The following NR2F1-AS1 variants were observed in gnomAD, a reference collection of about 807,000 sequenced individuals.
NR2F1-AS1 encodes the protein NR2F1 antisense RNA 1.
At chr5:93,461,021 G>A (rs373899724) in intron 4 of NR2F1-AS1, among the ~76,000 whole-genome samples, 2 of 152,182 alleles carry the variant, frequency 1.3e-5, no homozygotes, top group South Asian at 2.1e-4. Context: ...CTGTTATAAA[G>A]ATACATGCAT....
intron 4 of NR2F1-AS1, among the ~76,000 whole-genome samples, chr5:93,467,057 T>C (rs1362480114): frequency 6.6e-6 from 1 of 151,970 alleles, no homozygotes; most frequent in Non-Finnish European, 1.5e-5. Flanking sequence ...CCTGCCACCA[T>C]GCCTGGATAA....
intron 4 of NR2F1-AS1, among the ~76,000 whole-genome samples, chr5:93,539,110 T>C (rs1280918780): frequency 6.6e-6 from 1 of 152,120 alleles, no homozygotes; most frequent in East Asian, 1.9e-4. Context: ...GAAACCCATC[T>C]CTACAAAAAA....
intron 4 of NR2F1-AS1, among the ~76,000 whole-genome samples, chr5:93,424,964 C>A: frequency 6.6e-6 from 1 of 152,182 alleles, no homozygotes; most frequent in East Asian, 1.9e-4. Flanking sequence ...TATCAGATAT[C>A]TTAAACTCCT....
intron 4 of NR2F1-AS1, among the ~76,000 whole-genome samples, chr5:93,522,305 G>A (rs1320925377): frequency 6.6e-6 from 1 of 152,086 alleles, no homozygotes; most frequent in African/African-American, 2.4e-5. Context: ...AAACCCCTGT[G>A]ACATGAGTTC....
intron 4 of NR2F1-AS1, among the ~76,000 whole-genome samples, chr5:93,463,262 A>T (rs918158186): frequency 2.0e-5 from 3 of 152,198 alleles, no homozygotes; most frequent in African/African-American, 7.2e-5. Context: ...ATGGCTTCAG[A>T]GGGTGAAAGC....
At chr5:93,451,590 G>T (rs75495696) in intron 4 of NR2F1-AS1, among the ~76,000 whole-genome samples, 1 of 151,792 alleles carries the variant, frequency 6.6e-6, no homozygotes, top group African/African-American at 2.4e-5. Context: ...TTTTGTAGAG[G>T]GGGGGTTCTG....
intron 4 of NR2F1-AS1, among the ~76,000 whole-genome samples, chr5:93,436,804 G>A (rs1157201773): frequency 2.0e-5 from 3 of 151,916 alleles, no homozygotes; most frequent in East Asian, 3.9e-4. Context: ...TATTCCCAAG[G>A]GTAAAGGATG....
intron 4 of NR2F1-AS1, among the ~76,000 whole-genome samples, chr5:93,498,784 C>T (rs1198432983): frequency 1.3e-5 from 2 of 152,082 alleles, no homozygotes; most frequent in Non-Finnish European, 2.9e-5. Flanking sequence ...TGGATAAAGG[C>T]TCTTCAGAGG....
intron 2 of NR2F1-AS1, among the ~76,000 whole-genome samples, chr5:93,562,775 G>A (rs1490055612): frequency 1.3e-5 from 2 of 151,944 alleles, no homozygotes; most frequent in East Asian, 3.9e-4. Context: ...TAGTAATTGG[G>A]GCAGGGAGTA....
chr5:93,567,988 A>C, intron 1 of NR2F1-AS1, among the ~76,000 whole-genome samples: 1 of 152,250 alleles, frequency 6.6e-6, no homozygotes, highest in East Asian at 1.9e-4. Context: ...TTTTCACCAG[A>C]AACTAAGTGT....
At chr5:93,580,340 T>G (rs1223256382) in intron 1 of NR2F1-AS1, 2 of 152,300 alleles carry the variant, frequency 1.3e-5, no homozygotes, top group Non-Finnish European at 2.9e-5. Context: ...AAAGTTCTCC[T>G]CGTCCCGCCC....
At chr5:93,543,409 T>C (rs1393588980) in intron 4 of NR2F1-AS1, 2 of 152,124 alleles carry the variant, frequency 1.3e-5, no homozygotes, top group Non-Finnish European at 2.9e-5. Context: ...AATGGAAAAG[T>C]AATTTGAGAA....
At chr5:93,545,711 C>G (rs1233486317) in intron 4 of NR2F1-AS1, among the ~76,000 whole-genome samples, 1 of 152,192 alleles carries the variant, frequency 6.6e-6, no homozygotes, top group Non-Finnish European at 1.5e-5. Flanking sequence ...GTAATACTTT[C>G]CTAGCACCTA....
At chr5:93,525,587 A>G (rs1297535485) in intron 4 of NR2F1-AS1, among the ~76,000 whole-genome samples, 3 of 152,214 alleles carry the variant, frequency 2.0e-5, no homozygotes, top group African/African-American at 7.2e-5. Flanking sequence ...CATTTATTCT[A>G]AAATTGACCA....
chr5:93,546,400 G>T (rs904582294), intron 4 of NR2F1-AS1, among the ~76,000 whole-genome samples: 2 of 152,056 alleles, frequency 1.3e-5, no homozygotes, highest in African/African-American at 4.8e-5. Context: ...TAAAGAGAAG[G>T]TTGACTATTT....
intron 4 of NR2F1-AS1, among the ~76,000 whole-genome samples, chr5:93,528,822 C>T (rs572935852): frequency 1.3e-4 from 19 of 151,440 alleles, no homozygotes; most frequent in African/African-American, 4.6e-4. Context: ...ACTGAATGTT[C>T]TCACTCATAA....
Position 93,483,824 on chromosome 5 carries a change from G to A in NR2F1-AS1, n.638+69937C>T, listed in dbSNP as rs536775560. Among the ~76,000 whole-genome samples, 386 of 152,242 alleles carry A rather than the reference G, an allele frequency of 2.5e-3. 1 individual carries two copies. Among genetic ancestry groups the A allele is most frequent in the African/African-American group, 8.3e-3 (343 of 41,556 alleles). On this transcript the variant is annotated intron_variant and non_coding_transcript_variant, in intron 4 of 5. Coordinates refer to ENST00000660523, the Ensembl canonical transcript of NR2F1-AS1. ...AGCTTACACAATTATCAATAGCCAA[G>A]TTGATTAAGCAGAAGAAAGGATATC...
intron 4 of NR2F1-AS1, among the ~76,000 whole-genome samples, chr5:93,416,843 ACTCT>A (rs1484161748): frequency 6.6e-6 from 1 of 152,012 alleles, no homozygotes; most frequent in East Asian, 1.9e-4. Context: ...AGGTTACAAA[ACTCT>A]AAAGTGGTTT....
chr5:93,549,769 G>C (rs1752181284), intron 4 of NR2F1-AS1, among the ~76,000 whole-genome samples: 2 of 151,990 alleles, frequency 1.3e-5, no homozygotes, highest in South Asian at 4.2e-4. Flanking sequence ...ATACACCATG[G>C]AATACTATGC....
Sources: gnomAD v4.1 joint callset for allele counts (sites outside exome capture counted in the v4.1 genomes callset) on GRCh38, gnomAD v4.1.1 for gene constraint, MANE v1.5 for transcripts, NCBI Gene and HGNC (gene_info 2026-07-23, HGNC 2026-07-21) for gene names.